The following ROBO2 variants were observed in gnomAD, a reference collection of about 807,000 sequenced individuals.
The protein encoded by ROBO2 is roundabout guidance receptor 2, also known as roundabout homolog 2.
In ROBO2, 53 loss-of-function variants were observed where a neutral mutation model predicts 160.8. The ratio of observed to expected loss-of-function variants is 0.33; its 90% confidence interval spans 0.26 to 0.41. The LOEUF (loss-of-function observed/expected upper bound fraction) is 0.41. ROBO2 is among the 10% of genes least tolerant of loss of function. The pLI is 1.00. For missense variants in ROBO2, 1,577 were observed against 1,722.4 expected (o/e 0.92, Z 1.49); for synonymous variants, 664 against 611.7 (o/e 1.09, Z -1.26).
chr3:75,934,825 A>G (rs1947701011), intron 1 of ROBO2, among the ~76,000 whole-genome samples: 1 of 152,186 alleles, frequency 6.6e-6, no homozygotes, highest in South Asian at 2.1e-4. Context: ...CCTCAGTTCT[A>G]TATAAAATAG....
At chr3:76,921,639 A>G (rs940779585) in intron 2 of ROBO2, among the ~76,000 whole-genome samples, 51 of 151,964 alleles carry the variant, frequency 3.4e-4, no homozygotes, top group Admixed American at 2.6e-4. Flanking sequence ...AACCTCAAAT[A>G]TTTGCAGTGT....
intron 2 of ROBO2, among the ~76,000 whole-genome samples, chr3:76,238,344 G>A (rs1705076642): frequency 6.6e-6 from 1 of 152,150 alleles, no homozygotes; most frequent in African/African-American, 2.4e-5. Flanking sequence ...CGTGGTAGCA[G>A]GAGAGAGAAG....
chr3:77,222,296 TA>T (rs1180248305), intron 2 of ROBO2, among the ~76,000 whole-genome samples: 2 of 152,330 alleles, frequency 1.3e-5, no homozygotes, highest in East Asian at 3.9e-4. Flanking sequence ...TCAATATGAA[TA>T]ATTAGGTATA....
At position 76,795,705 on chromosome 3, in the gene ROBO2, G is replaced by C. The variant is rs1167043; in HGVS notation, c.110-302309G>C. 3.6e-3 allele frequency among the ~76,000 whole-genome samples: 547 copies of C among 152,106 alleles called. 2 individuals carry two copies. The highest frequency in any genetic ancestry group is 0.012 in the African/African-American group (512 of 41,514). ...CATGAGGTTTGGAATCAACTCTTTT[G>C]AACATCCCATTAATGTTGGCATTTT... On this transcript the variant is annotated intron_variant, in intron 2 of 26. Coordinates refer to the ROBO2 transcript ENST00000487694.
At chr3:76,410,349 G>C (rs1329885881) in intron 2 of ROBO2, among the ~76,000 whole-genome samples, 1 of 151,978 alleles carries the variant, frequency 6.6e-6, no homozygotes, top group Admixed American at 6.6e-5. Flanking sequence ...CTATTCTAAA[G>C]GATCAAGACT....
rs1457450634 is a variant in ROBO2 at position 75,929,086 on chromosome 3, G to A, written c.-13-8395G>A. The stretch of plus-strand genomic sequence containing the variant: ...GCAGCTGGATAAGACGTGTGTGTGT[G>A]TGTGGAGGGGGGGTAGCTGATGATT... On this transcript the variant is annotated intron_variant, in intron 1 of 26. Coordinates refer to the ROBO2 transcript ENST00000487694. Among the ~76,000 whole-genome samples the A allele has an allele frequency of 3.4e-5, 5 of 148,966 alleles. 1 individual carries two copies. Among genetic ancestry groups the A allele is most frequent in the African/African-American group, 1.3e-4 (5 of 39,492 alleles).
At chr3:77,220,133 C>G (rs2085590303) in intron 2 of ROBO2, among the ~76,000 whole-genome samples, 3 of 152,040 alleles carry the variant, frequency 2.0e-5, no homozygotes, top group Admixed American at 6.6e-5. Context: ...GCCTCAGCCT[C>G]CCAAGTAGCT....
chr3:76,789,895 A>G (rs1207050729), intron 2 of ROBO2, among the ~76,000 whole-genome samples: 1 of 151,670 alleles, frequency 6.6e-6, no homozygotes, highest in Admixed American at 6.6e-5. Context: ...AACTCTCCCA[A>G]TTCTATAATT....
At chr3:76,698,173 G>A (rs991771680) in intron 2 of ROBO2, among the ~76,000 whole-genome samples, 13 of 152,146 alleles carry the variant, frequency 8.5e-5, no homozygotes, top group African/African-American at 2.4e-4. Flanking sequence ...GTTTGGCATT[G>A]CAATATGGAG....
intron 2 of ROBO2, among the ~76,000 whole-genome samples, chr3:76,103,118 C>T (rs62268906): frequency 0.13 from 19,987 of 152,090 alleles, 1,403 homozygotes; most frequent in African/African-American, 0.14. Context: ...CCACCACGCC[C>T]GGCCAGACCT....
chr3:77,384,610 G>A (rs943679524), intron 2 of ROBO2, among the ~76,000 whole-genome samples: 2 of 152,068 alleles, frequency 1.3e-5, no homozygotes, highest in African/African-American at 4.8e-5. Flanking sequence ...AGTCTATATG[G>A]CCCTCTACCC....
At chr3:76,496,868 T>C (rs775987067) in intron 2 of ROBO2, among the ~76,000 whole-genome samples, 9 of 152,194 alleles carry the variant, frequency 5.9e-5, no homozygotes, top group Non-Finnish European at 1.3e-4. Flanking sequence ...AATATTGCAA[T>C]AGACTTGTGG....
chr3:77,444,996 T>C (rs2080319833), intron 2 of ROBO2, among the ~76,000 whole-genome samples: 1 of 152,210 alleles, frequency 6.6e-6, no homozygotes, highest in South Asian at 2.1e-4. Flanking sequence ...GTTCTCATTC[T>C]TGAAATGGCG....
intron 2 of ROBO2, among the ~76,000 whole-genome samples, chr3:76,867,302 A>G (rs554601043): frequency 7.2e-5 from 11 of 152,330 alleles, no homozygotes; most frequent in African/African-American, 2.4e-4. Flanking sequence ...GTTAATGGGC[A>G]CTTACACATT....
At chr3:77,034,042 A>T (rs1230786333) in intron 2 of ROBO2, among the ~76,000 whole-genome samples, 1 of 151,642 alleles carries the variant, frequency 6.6e-6, no homozygotes, top group Non-Finnish European at 1.5e-5. Flanking sequence ...TTGTATTAGT[A>T]TATAATGAAA....
chr3:76,432,218 T>C (rs1212915063), intron 2 of ROBO2, among the ~76,000 whole-genome samples: 1 of 152,188 alleles, frequency 6.6e-6, no homozygotes, highest in Non-Finnish European at 1.5e-5. Context: ...TATATTCTGC[T>C]CTAGTGTTTT....
At position 76,459,199 on chromosome 3, in the gene ROBO2, A is replaced by G. The variant is rs531816415; in HGVS notation, c.109+521597A>G. ...TATTTGGTTGTGATATAATATGGAGACTAGAGTTATAAAGAAATATACCTC... is the reference window on the plus strand; with the variant it reads ...TATTTGGTTGTGATATAATATGGAGGCTAGAGTTATAAAGAAATATACCTC... On this transcript the variant is annotated intron_variant, in intron 2 of 26. Transcript: ENST00000487694. Among the ~76,000 whole-genome samples the G allele has an allele frequency of 2.6e-5, 4 of 152,302 alleles. No homozygotes were observed. The East Asian group carries it at 7.7e-4, about 29-fold the overall frequency.
intron 2 of ROBO2, among the ~76,000 whole-genome samples, chr3:77,290,086 C>T (rs369316577): frequency 8.5e-3 from 759 of 89,636 alleles, no homozygotes; most frequent in South Asian, 0.036. Flanking sequence ...GTAAAATTGA[C>T]GGTTAAACGG....
chr3:76,453,513 T>C (rs2077584946), intron 2 of ROBO2, among the ~76,000 whole-genome samples: 2 of 152,182 alleles, frequency 1.3e-5, no homozygotes, highest in African/African-American at 2.4e-5. Context: ...TTCTGAGGGC[T>C]CTGTTCTGTT....
Sources: allele counts gnomAD v4.1 joint callset (sites outside exome capture counted in the v4.1 genomes callset), GRCh38; gene constraint gnomAD v4.1.1; transcripts MANE v1.5; gene names NCBI Gene and HGNC (gene_info 2026-07-23, HGNC 2026-07-21).